Variants in REV3L observed in about 807,000 individuals in gnomAD.
REV3L encodes REV3 like, DNA directed polymerase zeta catalytic subunit.
REV3L carries 69 observed loss-of-function variants against 299.4 expected under a neutral mutation model. The observed-to-expected ratio is 0.23, with a 90% CI of 0.19 to 0.28. The LOEUF (loss-of-function observed/expected upper bound fraction) is 0.28, where lower values mean the gene tolerates loss of function less well. REV3L is among the 10% of genes least tolerant of loss of function. The pLI, the probability that REV3L is intolerant of heterozygous loss-of-function variation, is 1.00. For synonymous variants in REV3L, 1,238 were observed against 1,271.4 expected, an observed-to-expected ratio of 0.97 and a Z score of 0.56; for missense variants, 3,128 against 3,693.8, an observed-to-expected ratio of 0.85 and a Z score of 3.97.
In REV3L at chr6:111,329,744, A is replaced by G; in HGVS notation, c.8035-6T>C. On this transcript the variant is annotated splice_region_variant and splice_polypyrimidine_tract_variant and intron_variant, in intron 24 of 31. Coordinates refer to ENST00000368802, the MANE Select transcript of REV3L (RefSeq NM_001372078.1). ...ACACCTTTTCTTACTGAAGGCTATC[A>G]TAAAGAAAAAAAATGTTTAAAACCC... is the stretch of plus-strand genomic sequence containing the variant. 6.2e-7 allele frequency: 1 copy of G among 1,606,646 alleles called. No individual in the cohort carries two copies. Among genetic ancestry groups the G allele is most frequent in the Non-Finnish European group, 8.5e-7 (1 of 1,176,624 alleles).
chr6:111,453,364 AATAGCAC>A (rs1789778495), intron 1 of REV3L, among the ~76,000 whole-genome samples: 1 of 152,196 alleles, frequency 6.6e-6, no homozygotes, highest in Non-Finnish European at 1.5e-5. Context: ...GATAGTATTC[AATAGCAC>A]ATATACTTTC....
upstream of REV3L, chr6:111,483,406 GGCCGGCA>G: frequency 2.3e-6 from 1 of 433,424 alleles, no homozygotes; most frequent in Non-Finnish European, 4.1e-6. Flanking sequence ...GGCGGCCGGC[GGCCGGCA>G]GCGCCCGCGC....
intron 1 of REV3L, among the ~76,000 whole-genome samples, chr6:111,441,214 C>T (rs1166213380): frequency 6.6e-6 from 1 of 152,032 alleles, no homozygotes. Flanking sequence ...ATCCCTATGC[C>T]TCTATTATCC....
intron 1 of REV3L, among the ~76,000 whole-genome samples, chr6:111,480,574 AGT>A (rs1460787815): frequency 1.3e-5 from 2 of 152,132 alleles, no homozygotes; most frequent in Admixed American, 6.5e-5. Flanking sequence ...GTTTATGAAA[AGT>A]GTAAACTCTA....
At chr6:111,371,459 C>T (rs969415309) in intron 13 of REV3L, among the ~76,000 whole-genome samples, 2 of 152,074 alleles carry the variant, frequency 1.3e-5, no homozygotes, top group South Asian at 4.1e-4. Context: ...GGCGTGAACA[C>T]AGCTCACTGC....
chr6:111,306,859 G>A (rs1772367332), intron 31 of REV3L, among the ~76,000 whole-genome samples: 1 of 152,176 alleles, frequency 6.6e-6, no homozygotes, highest in East Asian at 1.9e-4. Flanking sequence ...ACTGTAGATT[G>A]AGTATCCCTT....
intron 4 of REV3L, among the ~76,000 whole-genome samples, chr6:111,405,005 G>A (rs1294639328): frequency 6.6e-6 from 1 of 152,056 alleles, no homozygotes; most frequent in African/African-American, 2.4e-5. Context: ...CATCAGGGAA[G>A]TGCTGGACTA....
At chr6:111,421,971 A>T (rs1785414349) in intron 1 of REV3L, among the ~76,000 whole-genome samples, 1 of 152,162 alleles carries the variant, frequency 6.6e-6, no homozygotes, top group Non-Finnish European at 1.5e-5. Context: ...CACAAAACGA[A>T]CTAAACAAAA....
rs946642353 is a variant in REV3L, at chr6:111,375,161, G to A, written c.3194C>T (p.Thr1065Ile). ...AGTTCTTTTAATATTTTCATTATTT[G>A]TCCTTTGTTGTTTACCAGTTTTTTT... ...AKKKTGKQQR[T>I]NNENIKRTLS... is the part of the protein sequence containing the mutation. The change falls in exon 13 of 32, where the codon ACA becomes ATA. Residue 1065 changes from threonine (T) to isoleucine (I), a missense_variant. Transcript: ENST00000368802. The A allele has an allele frequency of 6.2e-7, 1 of 1,606,714 alleles. No homozygotes were observed. Among genetic ancestry groups the A allele is most frequent in the African/African-American group, 1.3e-5 (1 of 74,436 alleles).
chr6:111,376,750 T>C lies in REV3L; in HGVS notation c.1605A>G (p.Pro535=). ...DGTADENSDN[P]LNNENSRTHS... ...GGGTTCTAGAATTTTCATTGTTCAATGGATTGTCTGAAATGAGGAGGGAAA... is the reference window on the plus strand; with the variant it reads ...GGGTTCTAGAATTTTCATTGTTCAACGGATTGTCTGAAATGAGGAGGGAAA... Residue 535 remains proline (P), a synonymous_variant, in exon 13 of 32, where the codon CCA becomes CCG. Coordinates refer to ENST00000368802, the MANE Select transcript of REV3L (RefSeq NM_001372078.1). 1 of 1,570,108 alleles carries C rather than the reference T, an allele frequency of 6.4e-7. No individual in the cohort carries two copies. The highest frequency in any genetic ancestry group is 1.4e-5 in the African/African-American group (1 of 73,422).
Position 111,392,915 on chromosome 6 carries a change from G to A in REV3L, c.623C>T (p.Ala208Val), listed in dbSNP as rs781743058. The A allele has an allele frequency of 6.2e-6, 10 of 1,612,602 alleles. No homozygotes were observed. Among genetic ancestry groups the A allele is most frequent in the South Asian group, 4.4e-5 (4 of 91,038 alleles). The change falls in exon 5 of 32, where the codon GCT (alanine) becomes GTT (valine). Residue 208 changes from alanine (A) to valine (V), a missense_variant. Ala to Val is a moderately conservative substitution (Grantham distance 64, BLOSUM62 0). Coordinates refer to ENST00000368802, the MANE Select transcript of REV3L (RefSeq NM_001372078.1). ...CKNHLSGNSL[A>V]DTLFRWEQDE... ...TTGTTCCCACCGAAATAAAGTATCA[G>A]CAAGAGAATTTCCTGATAAATGATT...
chr6:111,337,818 G>T (rs780944561), intron 21 of REV3L, among the ~76,000 whole-genome samples: 35 of 152,140 alleles, frequency 2.3e-4, no homozygotes, highest in Admixed American at 1.3e-4. Context: ...GTACAAATCA[G>T]ATCAGTCCCT....
At chr6:111,301,219 G>T (rs1317500182) in intron 31 of REV3L, among the ~76,000 whole-genome samples, 1 of 152,176 alleles carries the variant, frequency 6.6e-6, no homozygotes, top group Admixed American at 6.5e-5. Context: ...CTGGTTGTCT[G>T]ATCACGAACC....
At chr6:111,390,210 A>C in intron 5 of REV3L, 30 bp from the exon 6 acceptor site, 4 of 1,360,262 alleles carry the variant, frequency 2.9e-6, no homozygotes, top group Non-Finnish European at 4.2e-6. Flanking sequence ...AAAACATAAT[A>C]ATTATGTGAG....
At chr6:111,438,160 A>G (rs1211405036) in intron 1 of REV3L, among the ~76,000 whole-genome samples, 1 of 152,096 alleles carries the variant, frequency 6.6e-6, no homozygotes, top group African/African-American at 2.4e-5. Flanking sequence ...TACAGGCATC[A>G]GCCACCTCAC....
chr6:111,452,078 T>C (rs909141132), intron 1 of REV3L, among the ~76,000 whole-genome samples: 2 of 150,636 alleles, frequency 1.3e-5, no homozygotes, highest in Admixed American at 6.6e-5. Context: ...AAAGAAGATA[T>C]GTGAATGGCA....
intron 16 of REV3L, among the ~76,000 whole-genome samples, chr6:111,359,629 T>C (rs552002912): frequency 2.0e-5 from 3 of 152,194 alleles, no homozygotes; most frequent in South Asian, 4.1e-4. Context: ...AAGTTAATAT[T>C]TGCTTTTCAT....
chr6:111,440,330 A>G (rs761228788), intron 1 of REV3L, among the ~76,000 whole-genome samples: 1 of 152,202 alleles, frequency 6.6e-6, no homozygotes, highest in Non-Finnish European at 1.5e-5. Flanking sequence ...GGGCCTCCCA[A>G]AGTGCTGGGA....
chr6:111,419,536 A>C (rs565641111), intron 1 of REV3L, among the ~76,000 whole-genome samples: 1 of 152,350 alleles, frequency 6.6e-6, no homozygotes, highest in East Asian at 1.9e-4. Context: ...CTTTAGAGAT[A>C]AACCAGTCTA....
Sources: allele counts gnomAD v4.1 joint callset (sites outside exome capture counted in the v4.1 genomes callset), GRCh38; gene constraint gnomAD v4.1.1; transcripts MANE v1.5; gene names NCBI Gene and HGNC (gene_info 2026-07-23, HGNC 2026-07-21).